The following SYNPO2 variants were observed in gnomAD, a reference collection of about 807,000 sequenced individuals.
SYNPO2 encodes the protein synaptopodin 2, also known as synaptopodin-2.
In SYNPO2, 56 loss-of-function variants were observed where a neutral mutation model predicts 85.0. The ratio of observed to expected loss-of-function variants is 0.66; its 90% CI spans 0.53 to 0.82. The LOEUF is 0.82. Among genes scored for constraint, SYNPO2 ranks in the 40% least tolerant of loss-of-function variants. The pLI is 0.00. For missense variants in SYNPO2, 1,575 were observed against 1,534.2 expected, an observed-to-expected ratio of 1.03 and a Z score of -0.44; for synonymous variants, 602 against 591.1, an observed-to-expected ratio of 1.02 and a Z score of -0.27.
intron 4 of SYNPO2, chr4:119,037,672 T>C (rs1461770898): frequency 2.0e-6 from 2 of 977,042 alleles, no homozygotes; most frequent in Middle Eastern, 5.2e-4. Flanking sequence ...GTTTCTACTA[T>C]ATGCAGGAAC....
At chr4:118,927,742 A>AGATAGATAGATG (rs1553938501) in intron 1 of SYNPO2, among the ~76,000 whole-genome samples, 17 of 113,450 alleles carry the variant, frequency 1.5e-4, no homozygotes, top group African/African-American at 5.9e-4. Flanking sequence ...ATAGATAGAT[A>AGATAGATAGATG]GATAGATGAT....
intron 1 of SYNPO2, among the ~76,000 whole-genome samples, chr4:118,930,637 G>T (rs1180183542): frequency 6.6e-6 from 1 of 151,830 alleles, no homozygotes; most frequent in African/African-American, 2.4e-5. Context: ...AGCATATGCT[G>T]GGTGAGGTGG....
chr4:119,006,465 G>T (rs1372018545), intron 1 of SYNPO2: 2 of 152,130 alleles, frequency 1.3e-5, no homozygotes, highest in African/African-American at 4.8e-5. Context: ...GAGAAATTAT[G>T]TGACTATCAA....
rs561710009 is a variant in SYNPO2 at position 118,960,713 on chromosome 4, TCTC to T, written c.106-62714_106-62712del. Among the ~76,000 whole-genome samples, 528 of 152,124 alleles carry T rather than the reference TCTC, an allele frequency of 3.5e-3. 5 individuals are homozygous for T. Among genetic ancestry groups the T allele is most frequent in the African/African-American group, 0.012 (496 of 41,510 alleles). On this transcript the variant is annotated intron_variant, in intron 1 of 4. Transcript: ENST00000307142. ...AATTTCTAACCCCTATGCTCACAAA[TCTC>T]CTTGCAAGTCTTCCCTATCAGTAAA...
intron 1 of SYNPO2, among the ~76,000 whole-genome samples, chr4:119,007,748 G>A (rs1737136834): frequency 6.6e-6 from 1 of 151,936 alleles, no homozygotes; most frequent in Admixed American, 6.6e-5. Flanking sequence ...ATTTTAATAT[G>A]GATTTTAATG....
chr4:118,910,654 C>A (rs976416857), intron 1 of SYNPO2, among the ~76,000 whole-genome samples: 1 of 151,952 alleles, frequency 6.6e-6, no homozygotes, highest in African/African-American at 2.4e-5. Flanking sequence ...ACTACCTTCA[C>A]ATTTCATAGA....
intron 1 of SYNPO2, among the ~76,000 whole-genome samples, chr4:118,991,885 G>A (rs892231573): frequency 6.6e-6 from 1 of 152,198 alleles, no homozygotes; most frequent in East Asian, 1.9e-4. Context: ...AGAAGTGCTT[G>A]GCTGAGGAAG....
rs1011737730 is a variant in SYNPO2, at chr4:118,931,223, TA to T, written c.105+42093del. On this transcript the variant is annotated intron_variant, in intron 1 of 4. Transcript: ENST00000307142. ...ACCTCAGAAATTAAGGATTCATAAG[TA>T]AAAAAAAAAATTCAGGATTGAGGGG... Among the ~76,000 whole-genome samples the T allele has an allele frequency of 6.4e-4, 95 of 147,746 alleles. No individual in the cohort carries two copies. The East Asian group carries it at 0.01, about 16-fold the overall frequency.
chr4:119,038,471 G>A, intron 4 of SYNPO2: 2 of 985,328 alleles, frequency 2.0e-6, no homozygotes, highest in South Asian at 9.4e-5. Context: ...CTGGGAATGG[G>A]GAAGAATGTG....
intron 1 of SYNPO2, among the ~76,000 whole-genome samples, chr4:119,007,219 T>TATATATTATATATATATGTATATAC (rs1560971657): frequency 1.5e-4 from 3 of 20,056 alleles, no homozygotes; most frequent in Admixed American, 6.8e-4. Flanking sequence ...AACAAAGGTA[T>TATATATTATATATATATGTATATAC]ATATATATAT....
chr4:119,019,174 C>T (rs1049772141), intron 1 of SYNPO2, among the ~76,000 whole-genome samples: 1 of 152,058 alleles, frequency 6.6e-6, no homozygotes, highest in Non-Finnish European at 1.5e-5. Flanking sequence ...ACGTGTTTAC[C>T]TCTGTAACAA....
At chr4:118,966,124 A>T (rs1382346795) in intron 1 of SYNPO2, among the ~76,000 whole-genome samples, 1 of 152,174 alleles carries the variant, frequency 6.6e-6, no homozygotes, top group Admixed American at 6.5e-5. Flanking sequence ...GCTAAGTCTG[A>T]TAGGACAACC....
chr4:118,991,939 G>A (rs1736433546), intron 1 of SYNPO2, among the ~76,000 whole-genome samples: 1 of 152,188 alleles, frequency 6.6e-6, no homozygotes, highest in African/African-American at 2.4e-5. Context: ...GCTTAATGGA[G>A]TTCGACTGGA....
upstream of SYNPO2, among the ~76,000 whole-genome samples, chr4:118,886,063 A>G (rs1054776749): frequency 6.6e-6 from 1 of 152,236 alleles, no homozygotes; most frequent in African/African-American, 2.4e-5. Context: ...GAGTGGCTAC[A>G]GAGGCAAGAA....
At position 119,027,558 on chromosome 4, in the gene SYNPO2, T is replaced by C. The variant is rs1011410882; in HGVS notation, c.1069+120T>C. 4.1e-6 allele frequency: 4 copies of C among 972,126 alleles called. No individual in the cohort carries two copies. In the African/African-American group the frequency reaches 4.9e-5, roughly 12 times the overall value. 60.2% of individuals were successfully genotyped at this position (972,126 alleles called of 1,614,324 possible). ...TGTTTCTCATTGGCTTAAAGAAATATTTAATTAATGCACAAAATCACAAAT... is the reference window on the plus strand; with the variant it reads ...TGTTTCTCATTGGCTTAAAGAAATACTTAATTAATGCACAAAATCACAAAT... On this transcript the variant is annotated intron_variant, in intron 3 of 4. Coordinates refer to ENST00000307142, the MANE Select transcript of SYNPO2 (RefSeq NM_133477.3).
chr4:118,898,643 T>A (rs1398119446), intron 1 of SYNPO2, among the ~76,000 whole-genome samples: 1 of 152,162 alleles, frequency 6.6e-6, no homozygotes, highest in Non-Finnish European at 1.5e-5. Flanking sequence ...GATCATATAG[T>A]TAGTAAATGG....
chr4:118,877,484 C>T (rs1398379072), intron 1 of SYNPO2, among the ~76,000 whole-genome samples: 1 of 152,108 alleles, frequency 6.6e-6, no homozygotes, highest in Non-Finnish European at 1.5e-5. Flanking sequence ...TAATAAGAAT[C>T]TATAAGGAAC....
intron 1 of SYNPO2, among the ~76,000 whole-genome samples, chr4:119,002,227 C>T: frequency 6.6e-6 from 1 of 152,092 alleles, no homozygotes; most frequent in Non-Finnish European, 1.5e-5. Context: ...AACTGTCCTC[C>T]TGGTATTTTA....
At chr4:118,926,033 T>C (rs1733700376) in intron 1 of SYNPO2, among the ~76,000 whole-genome samples, 1 of 152,138 alleles carries the variant, frequency 6.6e-6, no homozygotes, top group South Asian at 2.1e-4. Context: ...GGCAGTAGAT[T>C]ATCCACCAGG....
Sources: allele counts gnomAD v4.1 joint callset (sites outside exome capture counted in the v4.1 genomes callset), GRCh38; gene constraint gnomAD v4.1.1; transcripts MANE v1.5; gene names NCBI Gene and HGNC (gene_info 2026-07-23, HGNC 2026-07-21).